MCTP2: variants seen among roughly 807,000 people sequenced by gnomAD.
MCTP2 encodes the protein multiple C2 and transmembrane domain containing 2.
A neutral mutation model predicts 111.6 loss-of-function variants in MCTP2; 132 were observed. The ratio of observed to expected loss-of-function variants is 1.18; its 90% confidence interval spans 1.03 to 1.37. MCTP2 has a LOEUF of 1.37. MCTP2 is among the 40% of genes most tolerant of loss of function. The pLI is 0.00. For synonymous variants in MCTP2, 395 were observed against 387.7 expected, an observed-to-expected ratio of 1.02 and a Z score of -0.22; for missense variants, 1,183 against 1,067.9, an observed-to-expected ratio of 1.11 and a Z score of -1.50.
intron 1 of MCTP2, among the ~76,000 whole-genome samples, chr15:94,287,302 G>T (rs1431725437): frequency 6.6e-6 from 1 of 151,044 alleles, no homozygotes; most frequent in Non-Finnish European, 1.5e-5. Flanking sequence ...ATACATGGTT[G>T]TTTATTTTGT....
chr15:94,367,717 G>T lies in MCTP2; in HGVS notation c.1414G>T (p.Gly472Trp). ...LMLVTLTPCAGVSVSDLCVCP... is the reference protein window; with the variant it reads ...LMLVTLTPCAWVSVSDLCVCP... ...GTTGGTCACACTTACACCCTGTGCG[G>T]GGGTCTCCGTCTCTGATCTGTGTGT... The change falls in exon 11 of 23, where the codon GGG (glycine) becomes TGG (tryptophan). Residue 472 changes from glycine to tryptophan, a missense_variant. Physicochemically the swap from Gly to Trp is radical, Grantham distance 184. Coordinates refer to ENST00000357742, the MANE Select transcript of MCTP2 (RefSeq NM_001385001.1). 1 of 1,609,652 alleles carries T rather than the reference G, an allele frequency of 6.2e-7. No homozygotes were observed. The highest frequency in any genetic ancestry group is 1.7e-5 in the Admixed American group (1 of 59,118).
rs1223192507 is a variant in MCTP2 at position 94,339,439 on chromosome 15, A to G, written c.780+7A>G. The stretch of plus-strand genomic sequence containing the variant: ...TCAAAAGCTACGTGTGAAGGTAATC[A>G]CAGATAGCTTTCAAATCTGCTCCTT... On this transcript the variant is annotated splice_region_variant and intron_variant, in intron 5 of 22. Transcript: ENST00000357742. The G allele has an allele frequency of 6.3e-7, 1 of 1,576,640 alleles. No individual in the cohort carries two copies.
intron 7 of MCTP2, among the ~76,000 whole-genome samples, chr15:94,344,859 C>T (rs1324881139): frequency 1.3e-5 from 2 of 152,238 alleles, no homozygotes; most frequent in East Asian, 1.9e-4. Flanking sequence ...TAAAAATGTA[C>T]TTCTAAAGAT....
intron 22 of MCTP2, among the ~76,000 whole-genome samples, chr15:94,477,748 C>G (rs1377918233): frequency 6.6e-6 from 1 of 152,108 alleles, no homozygotes; most frequent in African/African-American, 2.4e-5. Context: ...ATTCCGAGTT[C>G]TAGAAATTAA....
chr15:94,324,578 CTCTT>C (rs1370050789), intron 4 of MCTP2, among the ~76,000 whole-genome samples: 1 of 152,154 alleles, frequency 6.6e-6, no homozygotes, highest in Non-Finnish European at 1.5e-5. Flanking sequence ...GAAAACTGCT[CTCTT>C]TCTCAATTTC....
intron 17 of MCTP2, among the ~76,000 whole-genome samples, chr15:94,421,005 C>T (rs937175871): frequency 6.6e-6 from 1 of 152,128 alleles, no homozygotes; most frequent in Non-Finnish European, 1.5e-5. Flanking sequence ...TCAGCAACCA[C>T]CACCCTGATC....
At chr15:94,465,592 C>T (rs1210503724) in intron 20 of MCTP2, among the ~76,000 whole-genome samples, 2 of 152,098 alleles carry the variant, frequency 1.3e-5, no homozygotes, top group Non-Finnish European at 2.9e-5. Flanking sequence ...TTTCTTTTCT[C>T]CTTTTCTGTA....
rs144014742 is a variant in MCTP2 at position 94,483,883 on chromosome 15, A to C, written c.*4849A>C. 4.2e-3 allele frequency: 641 copies of C among 152,320 alleles called. 5 individuals carry two copies. The highest frequency in any genetic ancestry group is 0.015 in the African/African-American group (606 of 41,574). 9.4% of individuals were successfully genotyped at this position (152,320 alleles called of 1,614,324 possible). On this transcript the variant is annotated 3_prime_UTR_variant, in exon 23 of 23. Transcript: ENST00000357742. ...TATGTTCTATCAAAACCTGCCTCTC[A>C]TTTATGTATTAGGAATCTTGTGACA...
chr15:94,267,432 A>G (rs536628449), intron 1 of MCTP2, among the ~76,000 whole-genome samples: 1 of 152,162 alleles, frequency 6.6e-6, no homozygotes, highest in Non-Finnish European at 1.5e-5. Context: ...CATTATATGG[A>G]CACATCATAT....
At chr15:94,422,845 A>G (rs2152494919) in intron 17 of MCTP2, among the ~76,000 whole-genome samples, 1 of 152,118 alleles carries the variant, frequency 6.6e-6, no homozygotes, top group Admixed American at 6.6e-5. Context: ...CCACTAAACT[A>G]TCAGTCATCG....
rs138947479 is a variant in MCTP2 at position 94,328,285 on chromosome 15, C to T, written c.638-11005C>T. 7.5e-3 allele frequency among the ~76,000 whole-genome samples: 1,146 copies of T among 151,948 alleles called. 6 individuals carry two copies. The highest frequency in any genetic ancestry group is 0.024 in the Middle Eastern group (7 of 294). The stretch of plus-strand genomic sequence containing the variant: ...CTGGGACTACAGGTGCCCGCCACCA[C>T]GCCCGGCTAATTTTTTGTATTTTTA... On this transcript the variant is annotated intron_variant, in intron 4 of 22. Coordinates refer to ENST00000357742, the MANE Select transcript of MCTP2 (RefSeq NM_001385001.1).
At chr15:94,472,797 A>G (rs2074035859) in intron 21 of MCTP2, among the ~76,000 whole-genome samples, 2 of 152,182 alleles carry the variant, frequency 1.3e-5, no homozygotes, top group South Asian at 4.1e-4. Flanking sequence ...ATCCTAGAAT[A>G]TATTCTGTAA....
At chr15:94,354,466 C>A (rs1377904426) in intron 8 of MCTP2, among the ~76,000 whole-genome samples, 1 of 152,122 alleles carries the variant, frequency 6.6e-6, no homozygotes, top group African/African-American at 2.4e-5. Context: ...ATAAGGGGAT[C>A]TTTCCACTTC....
Position 94,281,443 on chromosome 15 carries a change from T to C in MCTP2, c.-65-16758T>C, listed in dbSNP as rs548570559. ...TCTCAATCCCTTTACTTTGAAGCTA[T>C]AGATGTTGTGGCAGTTGAGATGGGT... is the stretch of plus-strand genomic sequence containing the variant. On this transcript the variant is annotated intron_variant, in intron 1 of 22. Coordinates refer to ENST00000357742, the MANE Select transcript of MCTP2 (RefSeq NM_001385001.1). Among the ~76,000 whole-genome samples the C allele has an allele frequency of 4.6e-5, 7 of 152,336 alleles. No homozygotes were observed. The East Asian group carries it at 1.3e-3, about 29-fold the overall frequency.
At position 94,479,124 on chromosome 15, in the gene MCTP2, C is replaced by G. The variant is rs1419633049; in HGVS notation, c.*90C>G. 1 of 1,310,818 alleles carries G rather than the reference C, an allele frequency of 7.6e-7. No homozygotes were observed. The highest frequency in any genetic ancestry group is 1.1e-6 in the Non-Finnish European group (1 of 906,586). The allele number at this position is 1,310,818 out of a possible 1,614,324, so 81.2% of individuals were successfully genotyped here. A position where few individuals can be genotyped will look rare whatever the true frequency, so the allele number is the denominator to read the frequency against. ...GCTGTTTCAGTGGTACCCAAGGTGTCCTTCTGAAATGCATGCCCTGTGGCA... is the reference window on the plus strand; with the variant it reads ...GCTGTTTCAGTGGTACCCAAGGTGTGCTTCTGAAATGCATGCCCTGTGGCA... On this transcript the variant is annotated 3_prime_UTR_variant, in exon 23 of 23. Coordinates refer to ENST00000357742, the MANE Select transcript of MCTP2 (RefSeq NM_001385001.1).
intron 17 of MCTP2, among the ~76,000 whole-genome samples, chr15:94,431,144 C>A (rs1420843214): frequency 6.6e-6 from 1 of 152,000 alleles, no homozygotes; most frequent in Non-Finnish European, 1.5e-5. Flanking sequence ...TTTAACAAAT[C>A]AGTACTGAAG....
At chr15:94,267,714 C>T (rs2073623727) in intron 1 of MCTP2, among the ~76,000 whole-genome samples, 1 of 151,946 alleles carries the variant, frequency 6.6e-6, no homozygotes, top group Non-Finnish European at 1.5e-5. Flanking sequence ...TATGAGAATT[C>T]CGCTTTCTCC....
At chr15:94,382,794 G>A (rs964613529) in intron 12 of MCTP2, among the ~76,000 whole-genome samples, 3 of 152,274 alleles carry the variant, frequency 2.0e-5, no homozygotes, top group Middle Eastern at 3.2e-3. Context: ...TTTAGCAAGC[G>A]CTGCTTTGTA....
At chr15:94,410,371 C>A (rs116828819) in intron 17 of MCTP2, among the ~76,000 whole-genome samples, 1 of 152,010 alleles carries the variant, frequency 6.6e-6, no homozygotes, top group Admixed American at 6.6e-5. Context: ...ATTTAACCAC[C>A]AGATGCCAAG....
Sources: gnomAD v4.1 joint callset for allele counts (sites outside exome capture counted in the v4.1 genomes callset) on GRCh38, gnomAD v4.1.1 for gene constraint, MANE v1.5 for transcripts, NCBI Gene and HGNC (gene_info 2026-07-23, HGNC 2026-07-21) for gene names.